The following MYH10 variants were observed in gnomAD, a reference collection of about 807,000 sequenced individuals.
The protein encoded by MYH10 is myosin heavy chain 10, also known as myosin-10.
MYH10 carries 55 observed loss-of-function variants against 257.8 expected under a neutral mutation model. The observed-to-expected ratio is 0.21, with a 90% confidence interval of 0.17 to 0.27. MYH10 has a LOEUF of 0.27. Ranked by LOEUF, MYH10 falls within the 10% of genes least tolerant of loss-of-function variation. The pLI is 1.00. For missense variants in MYH10, 1,631 were observed against 2,500.6 expected (o/e 0.65, Z 7.42); for synonymous variants, 854 against 921.7 (o/e 0.93, Z 1.33).
rs2081153987 is a variant in MYH10 at position 8,508,548 on chromosome 17, A to G, written c.3214+6T>C. Reference sequence around the variant, plus strand: ...GTCCCTGATTTCTCTAGCCCCAAATACTAACCTTCTAAATCTGAGATCATC... The same window carrying G: ...GTCCCTGATTTCTCTAGCCCCAAATGCTAACCTTCTAAATCTGAGATCATC... On this transcript the variant is annotated splice_donor_region_variant and intron_variant, in intron 26 of 42. Coordinates refer to ENST00000360416, the MANE Select transcript of MYH10 (RefSeq NM_001256012.3). 6.2e-7 allele frequency: 1 copy of G among 1,613,924 alleles called. No homozygotes were observed. Among genetic ancestry groups the G allele is most frequent in the Admixed American group, 1.7e-5 (1 of 60,010 alleles).
rs2082102827 is a variant in MYH10 at position 8,535,023 on chromosome 17, T to G, written c.1894+364A>C. The stretch of plus-strand genomic sequence containing the variant: ...GAGGAAGGACGGAGCTCAGCAGGCC[T>G]GACACAGGGAAAATGGAATGAGCAG... On this transcript the variant is annotated intron_variant, in intron 16 of 42. Transcript: ENST00000360416. The surrounding 1 kb of genome is among the most constrained non-coding windows in gnomAD (Gnocchi z 4.3). Among the ~76,000 whole-genome samples, 1 of 152,164 alleles carries G rather than the reference T, an allele frequency of 6.6e-6. No individual in the cohort carries two copies. Among genetic ancestry groups the G allele is most frequent in the African/African-American group, 2.4e-5 (1 of 41,432 alleles).
At chr17:8,511,372 T>C (rs745752744) in intron 24 of MYH10, among the ~76,000 whole-genome samples, 41 of 151,756 alleles carry the variant, frequency 2.7e-4, no homozygotes, top group Non-Finnish European at 1.3e-4. Context: ...ATACAAAAAT[T>C]AGCTGGGCGT....
At chr17:8,495,426 T>C (rs577088564) in intron 30 of MYH10, among the ~76,000 whole-genome samples, 185 bp from the exon 31 acceptor site, 2 of 152,004 alleles carry the variant, frequency 1.3e-5, no homozygotes, top group East Asian at 3.9e-4. Context: ...AATAAGTAGG[T>C]ACTAGAACCT....
chr17:8,490,673 G>C lies in MYH10; in HGVS notation c.4672-121C>G, dbSNP rs1040369805. 10 of 863,882 alleles carry C rather than the reference G, an allele frequency of 1.2e-5. No homozygotes were observed. Among genetic ancestry groups the C allele is most frequent in the Non-Finnish European group, 3.7e-6 (2 of 535,110 alleles). The allele number at this position is 863,882 out of a possible 1,614,324, so 53.5% of individuals were successfully genotyped here. A position where few individuals can be genotyped will look rare whatever the true frequency, so the allele number is the denominator to read the frequency against. On this transcript the variant is annotated intron_variant, in intron 34 of 42. Transcript: ENST00000360416. The surrounding 1 kb of genome is among the most constrained non-coding windows in gnomAD (Gnocchi z 4.1). ...TGGCCACTTTGGTCCCCCTGGGCCGGCCCCCTGCCACATGCATACACATCC... is the reference window on the plus strand; with the variant it reads ...TGGCCACTTTGGTCCCCCTGGGCCGCCCCCCTGCCACATGCATACACATCC...
rs1915872299 is a variant in MYH10 at position 8,492,206 on chromosome 17, C to T, written c.4671+91G>A. 2.3e-6 allele frequency: 3 copies of T among 1,303,288 alleles called. 1 individual carries two copies. The South Asian group carries it at 4.1e-5, about 18-fold the overall frequency. The allele number at this position is 1,303,288 out of a possible 1,614,324, so 80.7% of individuals were successfully genotyped here. On this transcript the variant is annotated intron_variant, in intron 34 of 42. Coordinates refer to ENST00000360416, the MANE Select transcript of MYH10 (RefSeq NM_001256012.3). The stretch of plus-strand genomic sequence containing the variant: ...GCTGTGCATTCCCAGGTCCTTCAGG[C>T]TCCCCTGAGGAGTCGCCCGCTCCTG...
chr17:8,608,669 T>C (rs965625575), intron 2 of MYH10, among the ~76,000 whole-genome samples: 3 of 152,192 alleles, frequency 2.0e-5, no homozygotes, highest in Non-Finnish European at 4.4e-5. Flanking sequence ...ATACTTTACC[T>C]AAGGGAGACA....
At chr17:8,508,450 T>A (rs1203589551) in intron 26 of MYH10, 104 bp downstream of exon 26, 1 of 1,488,788 alleles carries the variant, frequency 6.7e-7, no homozygotes, top group African/African-American at 1.4e-5. Flanking sequence ...TCCTTATTAT[T>A]AGTAATCATC....
rs1346102385 is a variant in MYH10, at chr17:8,476,502, TGGTGAGGAGGACG to T, written c.5879+361_5879+373del. 2.6e-5 allele frequency among the ~76,000 whole-genome samples: 4 copies of T among 151,696 alleles called. No homozygotes were observed. In the East Asian group the frequency reaches 5.8e-4, roughly 22 times the overall value. Reference sequence around the variant, plus strand: ...TCACTGGTACAGAGCAGATCCATTGTGGTGAGGAGGACGGTGCTGAGGAGGGCTGATGGCACCA... The same window carrying T: ...TCACTGGTACAGAGCAGATCCATTGTGTGCTGAGGAGGGCTGATGGCACCA... On this transcript the variant is annotated intron_variant, in intron 42 of 42. Transcript: ENST00000360416.
chr17:8,529,214 G>A (rs2081946941), intron 17 of MYH10, among the ~76,000 whole-genome samples: 1 of 152,162 alleles, frequency 6.6e-6, no homozygotes, highest in South Asian at 2.1e-4. Context: ...AATGGGTGTG[G>A]GGTCGCCACC....
At chr17:8,605,530 G>A (rs1391908742) in intron 2 of MYH10, among the ~76,000 whole-genome samples, 9 of 152,172 alleles carry the variant, frequency 5.9e-5, no homozygotes, top group Non-Finnish European at 1.3e-4. Context: ...TGGATCACAA[G>A]GTCAGGAGTT....
At chr17:8,623,303 T>G (rs2085538298) in intron 1 of MYH10, 26 bp from the exon 2 acceptor site, 1 of 1,521,228 alleles carries the variant, frequency 6.6e-7, no homozygotes, top group South Asian at 1.3e-5. Context: ...GAGGGCAAAA[T>G]TAGATGTTTA....
chr17:8,507,972 TA>T (rs113624706), intron 26 of MYH10, among the ~76,000 whole-genome samples: 1 of 150,472 alleles, frequency 6.6e-6, no homozygotes, highest in African/African-American at 2.4e-5. Context: ...AACTCCATCT[TA>T]AAAAAAAAGA....
intron 17 of MYH10, among the ~76,000 whole-genome samples, chr17:8,523,177 C>T (rs770744097): frequency 2.0e-5 from 3 of 152,170 alleles, no homozygotes; most frequent in Non-Finnish European, 4.4e-5. Context: ...CACCCAGAGC[C>T]AGCTGCCAAA....
chr17:8,556,918 A>G (rs2082825514), intron 7 of MYH10, among the ~76,000 whole-genome samples: 1 of 152,214 alleles, frequency 6.6e-6, no homozygotes, highest in South Asian at 2.1e-4. Context: ...TAACATAATA[A>G]TAATTCAATT....
At chr17:8,585,284 G>GTATATATATATATATA (rs1380120586) in intron 4 of MYH10, among the ~76,000 whole-genome samples, 13 of 6,340 alleles carry the variant, frequency 2.1e-3, no homozygotes, top group Non-Finnish European at 2.5e-3. Flanking sequence ...GCATGTGTGT[G>GTATATATATATATATA]TGTGTATATA....
chr17:8,517,683 T>G (rs1292124657), intron 21 of MYH10, among the ~76,000 whole-genome samples: 1 of 152,166 alleles, frequency 6.6e-6, no homozygotes, highest in Non-Finnish European at 1.5e-5. Context: ...GCCCTCCCAA[T>G]TCTATTCTTG....
intron 7 of MYH10, among the ~76,000 whole-genome samples, chr17:8,563,380 T>C (rs965944551): frequency 3.3e-5 from 5 of 152,162 alleles, no homozygotes; most frequent in Admixed American, 1.3e-4. Context: ...GAAAGAGATA[T>C]ATATTAACTT....
At chr17:8,480,693 C>A in intron 38 of MYH10, 168 bp from the exon 39 acceptor site, 3 of 816,796 alleles carry the variant, frequency 3.7e-6, no homozygotes, top group South Asian at 3.1e-5. Flanking sequence ...CCACTGATGA[C>A]ACTTCCAAAC....
At chr17:8,502,346 G>T (rs2080921796) in intron 28 of MYH10, among the ~76,000 whole-genome samples, 1 of 152,182 alleles carries the variant, frequency 6.6e-6, no homozygotes, top group Non-Finnish European at 1.5e-5. Context: ...TCAGCCCCAA[G>T]TTCCACTGGC....
Sources: allele counts gnomAD v4.1 joint callset (sites outside exome capture counted in the v4.1 genomes callset), GRCh38; gene constraint gnomAD v4.1.1; non-coding constraint Gnocchi (gnomAD v3.1); transcripts MANE v1.5; gene names NCBI Gene and HGNC (gene_info 2026-07-23, HGNC 2026-07-21).